The following SLC12A7 variants were observed in gnomAD, a reference collection of about 807,000 sequenced individuals.
SLC12A7 encodes K-Cl cotransporter 4.
SLC12A7 carries 100 observed loss-of-function variants against 120.6 expected under a neutral mutation model. That is an observed-to-expected ratio of 0.83 (90% CI 0.71 to 0.98). The LOEUF (loss-of-function observed/expected upper bound fraction) is 0.98, where lower values mean the gene tolerates loss of function less well. Ranked by LOEUF, SLC12A7 falls within the 50% of genes least tolerant of loss-of-function variation. The pLI, the probability that SLC12A7 is intolerant of heterozygous loss-of-function variation, is 0.00. For synonymous variants in SLC12A7, 760 were observed against 678.0 expected (o/e 1.12, Z -1.88); for missense variants, 1,373 against 1,548.1 (o/e 0.89, Z 1.90).
At chr5:1,067,092 C>A (rs936815053) in intron 17 of SLC12A7, among the ~76,000 whole-genome samples, 1 of 152,190 alleles carries the variant, frequency 6.6e-6, no homozygotes, top group Non-Finnish European at 1.5e-5. Flanking sequence ...CTCCCACGGC[C>A]CCACTCCTCC....
the SLC12A7 span, among the ~76,000 whole-genome samples, chr5:1,140,061 C>T: frequency 7.9e-5 from 12 of 152,188 alleles, no homozygotes; most frequent in Non-Finnish European, 1.5e-4. Context: ...GGGCATCAAA[C>T]GCTCCGAGGT....
At chr5:1,124,788 G>A in the SLC12A7 span, among the ~76,000 whole-genome samples, 26 of 152,100 alleles carry the variant, frequency 1.7e-4, no homozygotes, top group Admixed American at 5.2e-4. Flanking sequence ...GGGAGAAAAC[G>A]GAGTAATAAA....
chr5:1,076,120 C>T lies in SLC12A7; in HGVS notation c.1847+18G>A, dbSNP rs765731882. 2.4e-5 allele frequency: 38 copies of T among 1,594,776 alleles called. No homozygotes were observed. The highest frequency in any genetic ancestry group is 1.2e-4 in the African/African-American group (9 of 74,748). On this transcript the variant is annotated intron_variant, in intron 14 of 23. Transcript: ENST00000264930. ...CCCAGCCTGTGGGGCTCCTCACGCCCGTGCTGAGTGGCCTCACCAGTGGTA... is the reference window on the plus strand; with the variant it reads ...CCCAGCCTGTGGGGCTCCTCACGCCTGTGCTGAGTGGCCTCACCAGTGGTA...
chr5:1,050,698 G>C lies in SLC12A7; in HGVS notation c.*1662C>G. On this transcript the variant is annotated 3_prime_UTR_variant, in exon 24 of 24. Transcript: ENST00000264930. ...CTCTCCTCCAGGTGCAGGGGACACA[G>C]GACCTGCCGGCCCCATCCAGACATG... is the stretch of plus-strand genomic sequence containing the variant. The C allele has an allele frequency of 2.5e-6, 1 of 395,344 alleles. No homozygotes were observed. Among genetic ancestry groups the C allele is most frequent in the Non-Finnish European group, 4.5e-6 (1 of 224,506 alleles). The allele number at this position is 395,344 out of a possible 1,614,324, so 24.5% of individuals were successfully genotyped here.
Position 1,080,345 on chromosome 5 carries a change from G to C in SLC12A7, c.1298-849C>G, listed in dbSNP as rs535028253. Among the ~76,000 whole-genome samples the C allele has an allele frequency of 7.5e-5, 9 of 120,756 alleles. 1 individual carries two copies. The highest frequency in any genetic ancestry group is 2.7e-4 in the African/African-American group (9 of 33,858). The allele number at this position is 120,756 out of a possible 152,430, so 79.2% of individuals were successfully genotyped here. A position where few individuals can be genotyped will look rare whatever the true frequency, so the allele number is the denominator to read the frequency against. On this transcript the variant is annotated intron_variant, in intron 9 of 23. Transcript: ENST00000264930. ...CCACGCCCTCCACCCACGGCGCGGA[G>C]CGCACTCAGACGGACGGGGGAGGCT...
At chr5:1,053,184 A>G (rs568881156) in intron 23 of SLC12A7, among the ~76,000 whole-genome samples, 165 bp downstream of exon 23, 2 of 152,266 alleles carry the variant, frequency 1.3e-5, no homozygotes, top group South Asian at 4.1e-4. Context: ...CCCGGTCACC[A>G]CTGGGCTCAG....
At chr5:1,097,858 G>C (rs986863145) in intron 1 of SLC12A7, among the ~76,000 whole-genome samples, 1 of 152,080 alleles carries the variant, frequency 6.6e-6, no homozygotes, top group Non-Finnish European at 1.5e-5. Context: ...TCACTTTCTT[G>C]AGAAGAGTGT....
In SLC12A7 at chr5:1,079,267, G is replaced by A. The variant is rs372135047; in HGVS notation, c.1396+131C>T. On this transcript the variant is annotated intron_variant, in intron 10 of 23. Transcript: ENST00000264930. ...TGCCCCGTCTCCCAGGGAGGATGAC[G>A]TGGTGAGAGCACAGCCTAACCTGGG... 1.9e-3 allele frequency: 1,292 copies of A among 697,334 alleles called. 3 individuals are homozygous for A. The highest frequency in any genetic ancestry group is 2.7e-3 in the South Asian group (154 of 58,074). 43.2% of individuals were successfully genotyped at this position (697,334 alleles called of 1,614,324 possible). A position where few individuals can be genotyped will look rare whatever the true frequency, so the allele number is the denominator to read the frequency against.
chr5:1,113,289 G>A (rs1012482428), upstream of SLC12A7, among the ~76,000 whole-genome samples: 2 of 152,222 alleles, frequency 1.3e-5, no homozygotes, highest in African/African-American at 4.8e-5. Context: ...GCCTGGCCAT[G>A]TTTTAGCCGC....
the SLC12A7 span, among the ~76,000 whole-genome samples, chr5:1,120,912 G>A: frequency 7.2e-5 from 11 of 152,226 alleles, no homozygotes; most frequent in Non-Finnish European, 7.3e-5. Flanking sequence ...GCTTCGACGC[G>A]AAGGGCTCCT....
chr5:1,137,110 G>A, the SLC12A7 span, among the ~76,000 whole-genome samples: 1 of 152,194 alleles, frequency 6.6e-6, no homozygotes, highest in Non-Finnish European at 1.5e-5. Context: ...AGAGCTGGCT[G>A]CACAGAGCCA....
chr5:1,052,250 T>C lies in SLC12A7; in HGVS notation c.*110A>G. ...AGCCCCATGGGCAGCTTGGGCGGCA[T>C]CACTGGGGGACAGGTGTGTCTGCCG... On this transcript the variant is annotated 3_prime_UTR_variant, in exon 24 of 24. Transcript: ENST00000264930. 1.1e-6 allele frequency: 1 copy of C among 923,354 alleles called. No homozygotes were observed. The highest frequency in any genetic ancestry group is 1.8e-6 in the Non-Finnish European group (1 of 564,068). The allele number at this position is 923,354 out of a possible 1,614,324, so 57.2% of individuals were successfully genotyped here.
At chr5:1,119,066 T>G in the SLC12A7 span, among the ~76,000 whole-genome samples, 1 of 152,180 alleles carries the variant, frequency 6.6e-6, no homozygotes, top group Admixed American at 6.5e-5. Context: ...GCATCTGGTG[T>G]GCTCACCCTC....
the SLC12A7 span, among the ~76,000 whole-genome samples, chr5:1,119,674 C>G: frequency 1.3e-5 from 2 of 152,240 alleles, no homozygotes; most frequent in South Asian, 4.1e-4. Context: ...TTTCAGCCAC[C>G]CCGTGCCAGG....
At chr5:1,147,250 A>G in the SLC12A7 span, among the ~76,000 whole-genome samples, 8,334 of 108,646 alleles carry the variant, frequency 0.077, 741 homozygotes, top group African/African-American at 0.27. Flanking sequence ...CCACCCCGCC[A>G]CCCCCCCCGC....
At chr5:1,145,079 G>C in the SLC12A7 span, among the ~76,000 whole-genome samples, 3 of 152,268 alleles carry the variant, frequency 2.0e-5, no homozygotes, top group Non-Finnish European at 2.9e-5. The surrounding 1 kb of genome is among the most constrained non-coding windows in gnomAD (Gnocchi z 4.4). Flanking sequence ...GGGCTGGAGA[G>C]AGCCTGCGTG....
At chr5:1,127,924 G>A in the SLC12A7 span, among the ~76,000 whole-genome samples, 1 of 152,210 alleles carries the variant, frequency 6.6e-6, no homozygotes, top group Non-Finnish European at 1.5e-5. Flanking sequence ...GATAAAGCAC[G>A]AGGAGATGCC....
At chr5:1,055,275 G>C (rs1735490128) in intron 22 of SLC12A7, among the ~76,000 whole-genome samples, 1 of 152,242 alleles carries the variant, frequency 6.6e-6, no homozygotes, top group Non-Finnish European at 1.5e-5. Flanking sequence ...TAACATGTAA[G>C]ACATGCATAG....
the SLC12A7 span, among the ~76,000 whole-genome samples, chr5:1,127,249 G>A: frequency 6.6e-6 from 1 of 152,202 alleles, no homozygotes; most frequent in African/African-American, 2.4e-5. Flanking sequence ...TCTTGACTTC[G>A]TGATCCACCT....
Sources: allele counts gnomAD v4.1 joint callset (sites outside exome capture counted in the v4.1 genomes callset), GRCh38; gene constraint gnomAD v4.1.1; non-coding constraint Gnocchi (gnomAD v3.1); transcripts MANE v1.5; gene names NCBI Gene and HGNC (gene_info 2026-07-23, HGNC 2026-07-21).